Variants in CTXN2 observed in about 807,000 individuals in gnomAD.
The protein encoded by CTXN2 is cortexin 2.
In CTXN2, 3 loss-of-function variants were observed where a neutral mutation model predicts 5.7. The observed-to-expected ratio is 0.53, with a 90% confidence interval of 0.24 to 1.36. The LOEUF is 1.36. Ranked by LOEUF, CTXN2 falls within the 40% of genes most tolerant of loss-of-function variation. CTXN2 has a pLI of 0.17. For synonymous variants in CTXN2, 38 were observed against 36.4 expected, an observed-to-expected ratio of 1.04 and a Z score of -0.16; for missense variants, 87 against 93.0, an observed-to-expected ratio of 0.94 and a Z score of 0.26.
In CTXN2 at chr15:48,201,540, C is replaced by T. The variant is rs374953252; in HGVS notation, c.240C>T (p.Leu80=). 6 of 1,550,842 alleles carry T rather than the reference C, an allele frequency of 3.9e-6. No homozygotes were observed. Among genetic ancestry groups the T allele is most frequent in the Admixed American group, 3.9e-5 (2 of 50,948 alleles). Residue 80 remains leucine (L), a synonymous_variant, in exon 2 of 2, where the codon CTC becomes CTT. Coordinates refer to ENST00000417307, the MANE Select transcript of CTXN2 (RefSeq NM_001145668.2). ...EFDKGTFEYA[L]A Reference sequence around the variant, plus strand: ...ATAAAGGGACATTTGAATATGCACTCGCGTGAGAGTTCCAGCTATATGGTT... The same window carrying T: ...ATAAAGGGACATTTGAATATGCACTTGCGTGAGAGTTCCAGCTATATGGTT...
intron 1 of CTXN2, among the ~76,000 whole-genome samples, chr15:48,181,532 A>G (rs190684684): frequency 3.3e-5 from 5 of 152,344 alleles, no homozygotes; most frequent in Admixed American, 3.3e-4. Flanking sequence ...CCAATGAAGA[A>G]GAGAATGGAT....
upstream of CTXN2, among the ~76,000 whole-genome samples, chr15:48,186,955 C>A: frequency 6.9e-6 from 1 of 144,776 alleles, no homozygotes; most frequent in Admixed American, 6.9e-5. Flanking sequence ...CCATTCAATA[C>A]TTCGTTGTAA....
At chr15:48,190,685 A>C (rs917905567), upstream of CTXN2, among the ~76,000 whole-genome samples, 3 of 152,200 alleles carry the variant, frequency 2.0e-5, no homozygotes, top group Admixed American at 6.5e-5. Context: ...TATAAGGTGA[A>C]TAATTAAGAT....
At chr15:48,179,813 C>T (rs776850448) in intron 1 of CTXN2, among the ~76,000 whole-genome samples, 1 of 152,158 alleles carries the variant, frequency 6.6e-6, no homozygotes, top group Non-Finnish European at 1.5e-5. Flanking sequence ...GTGATTTTTC[C>T]CACAGCACTA....
intron 1 of CTXN2, among the ~76,000 whole-genome samples, chr15:48,184,085 T>G (rs2040725716): frequency 6.6e-6 from 1 of 152,224 alleles, no homozygotes; most frequent in South Asian, 2.1e-4. Flanking sequence ...CATTTTCTCC[T>G]CAAAAATCTT....
Position 48,201,637 on chromosome 15 carries a change from A to C in CTXN2, c.*91A>C. On this transcript the variant is annotated 3_prime_UTR_variant, in exon 2 of 2. Coordinates refer to ENST00000417307, the MANE Select transcript of CTXN2 (RefSeq NM_001145668.2). ...CCTTGAGGGTGTGGGAGAGAGGCTCATTTTGTTCAGTGAATTCAATAAACA... is the reference window on the plus strand; with the variant it reads ...CCTTGAGGGTGTGGGAGAGAGGCTCCTTTTGTTCAGTGAATTCAATAAACA... The C allele has an allele frequency of 7.9e-7, 1 of 1,270,128 alleles. No homozygotes were observed. The highest frequency in any genetic ancestry group is 1.1e-6 in the Non-Finnish European group (1 of 919,056). The allele number at this position is 1,270,128 out of a possible 1,614,324, so 78.7% of individuals were successfully genotyped here.
chr15:48,179,336 T>C (rs949392424), intron 1 of CTXN2, among the ~76,000 whole-genome samples: 5 of 152,058 alleles, frequency 3.3e-5, no homozygotes, highest in Admixed American at 6.6e-5. Context: ...AATAACATAA[T>C]TTCATCTTCG....
At chr15:48,200,505 A>C (rs777823010) in intron 1 of CTXN2, among the ~76,000 whole-genome samples, 28 of 152,170 alleles carry the variant, frequency 1.8e-4, no homozygotes, top group Admixed American at 1.3e-4. Context: ...CAGAGAAAGC[A>C]TGCTGTTTAA....
chr15:48,193,241 T>C (rs1385585160), intron 1 of CTXN2, among the ~76,000 whole-genome samples: 1 of 152,160 alleles, frequency 6.6e-6, no homozygotes, highest in Admixed American at 6.5e-5. Flanking sequence ...AAGTTACTCA[T>C]TGCCAAAGTA....
At chr15:48,194,743 A>T (rs558305373) in intron 1 of CTXN2, among the ~76,000 whole-genome samples, 1 of 152,280 alleles carries the variant, frequency 6.6e-6, no homozygotes, top group South Asian at 2.1e-4. Flanking sequence ...CAGAAAATAG[A>T]CTTTAATGGA....
Position 48,201,405 on chromosome 15 carries a change from G to A in CTXN2, c.105G>A (p.Gly35=), listed in dbSNP as rs183938277. 507 of 1,551,392 alleles carry A rather than the reference G, an allele frequency of 3.3e-4. 1 individual carries two copies. The African/African-American group carries it at 6.3e-3, about 19-fold the overall frequency. The change falls in exon 2 of 2, where the codon GGG becomes GGA. Residue 35 remains glycine, a synonymous_variant. Transcript: ENST00000417307. ...AAAAAACTGGCTTTGCTTTTGTTGG[G>A]ATTTTGTGTATCTTCTTGGGACTTC... ...LEQKTGFAFV[G]ILCIFLGLLI...
At chr15:48,194,389 A>G (rs2040858134) in intron 1 of CTXN2, among the ~76,000 whole-genome samples, 1 of 152,118 alleles carries the variant, frequency 6.6e-6, no homozygotes, top group Non-Finnish European at 1.5e-5. Flanking sequence ...AAGTTTATTT[A>G]CCACCTGACT....
intron 1 of CTXN2, among the ~76,000 whole-genome samples, chr15:48,185,344 A>C (rs1041923587): frequency 2.6e-5 from 4 of 152,188 alleles, no homozygotes; most frequent in African/African-American, 9.6e-5. Context: ...GTACCACACT[A>C]ATGTAAGATG....
intron 1 of CTXN2, among the ~76,000 whole-genome samples, chr15:48,199,823 A>T (rs2040913302): frequency 6.6e-6 from 1 of 152,206 alleles, no homozygotes; most frequent in South Asian, 2.1e-4. Flanking sequence ...AGGACAAAAA[A>T]TGACTTAGTG....
chr15:48,199,402 C>T (rs762382643), intron 1 of CTXN2, among the ~76,000 whole-genome samples: 1 of 152,078 alleles, frequency 6.6e-6, no homozygotes. Context: ...TGTTTATTGC[C>T]TCCTCTTACC....
chr15:48,184,649 T>C (rs2040730934), intron 1 of CTXN2, among the ~76,000 whole-genome samples: 1 of 152,150 alleles, frequency 6.6e-6, no homozygotes, highest in South Asian at 2.1e-4. Context: ...CAACACTAAA[T>C]GTTGAAGATG....
intron 1 of CTXN2, among the ~76,000 whole-genome samples, chr15:48,194,512 C>T (rs2040859002): frequency 6.6e-6 from 1 of 152,166 alleles, no homozygotes; most frequent in South Asian, 2.1e-4. Context: ...CCATAAGACC[C>T]TGTTTTCCAG....
At chr15:48,196,251 TAAAC>T (rs1217886702) in intron 1 of CTXN2, among the ~76,000 whole-genome samples, 1 of 152,104 alleles carries the variant, frequency 6.6e-6, no homozygotes, top group African/African-American at 2.4e-5. Context: ...CCCTCCCACT[TAAAC>T]AAAGGGCTTT....
At chr15:48,198,552 G>A (rs1291716902) in intron 1 of CTXN2, among the ~76,000 whole-genome samples, 1 of 152,110 alleles carries the variant, frequency 6.6e-6, no homozygotes, top group Admixed American at 6.5e-5. Flanking sequence ...CTGTATGATG[G>A]ACATATTATA....
Sources: allele counts gnomAD v4.1 joint callset (sites outside exome capture counted in the v4.1 genomes callset), GRCh38; gene constraint gnomAD v4.1.1; transcripts MANE v1.5; gene names NCBI Gene and HGNC (gene_info 2026-07-23, HGNC 2026-07-21).